The following WASL variants were observed in gnomAD, a reference collection of about 807,000 sequenced individuals.
The protein encoded by WASL is WASP like actin nucleation promoting factor.
WASL carries 20 observed loss-of-function variants against 55.5 expected under a neutral mutation model. The observed-to-expected ratio is 0.36, with a 90% CI of 0.25 to 0.52. WASL has a LOEUF of 0.52. Ranked by LOEUF, WASL falls within the 20% of genes least tolerant of loss-of-function variation. WASL has a pLI of 0.92. For missense variants in WASL, 504 were observed against 622.5 expected (o/e 0.81, Z 2.03); for synonymous variants, 249 against 217.6 (o/e 1.14, Z -1.27).
intron 6 of WASL, among the ~76,000 whole-genome samples, chr7:123,696,115 T>C (rs540534903): frequency 2.2e-4 from 33 of 152,148 alleles, no homozygotes; most frequent in African/African-American, 6.5e-4. Context: ...ATTTCCTTAA[T>C]TGTCAAATTA....
At chr7:123,717,525 C>T (rs551261383) in intron 1 of WASL, among the ~76,000 whole-genome samples, 98 of 152,300 alleles carry the variant, frequency 6.4e-4, no homozygotes, top group African/African-American at 2.2e-3. Context: ...ATCTTTAACC[C>T]AAGGATTTGC....
Position 123,692,668 on chromosome 7 carries a change from C to A in WASL, c.1026G>T (p.Met342Ile). 1 of 1,550,904 alleles carries A rather than the reference C, an allele frequency of 6.4e-7. No homozygotes were observed. Among genetic ancestry groups the A allele is most frequent in the South Asian group, 1.2e-5 (1 of 81,036 alleles). ...GAAGGGCTGGAGGTGGAGGAGGGTA[C>A]ATCCTATTTGGCGGTGGTGGAGGGA... is the stretch of plus-strand genomic sequence containing the variant. ...VAVPPPPPNR[M>I]YPPPPPALPS... The change falls in exon 9 of 11, where the codon ATG becomes ATT. Residue 342 changes from methionine to isoleucine, a missense_variant. Met to Ile is a conservative substitution (Grantham distance 10, BLOSUM62 1). This residue lies in a region of WASL where 201 missense variants were observed against 206.2 expected (regional missense o/e 0.97). Transcript: ENST00000223023.
intron 1 of WASL, among the ~76,000 whole-genome samples, chr7:123,712,515 C>CAT (rs1228296259): frequency 2.6e-5 from 4 of 151,984 alleles, no homozygotes; most frequent in Non-Finnish European, 4.4e-5. Context: ...TGCATGTATA[C>CAT]ATATATATAG....
chr7:123,696,343 T>C (rs1554404043), intron 6 of WASL, among the ~76,000 whole-genome samples: 1 of 151,892 alleles, frequency 6.6e-6, no homozygotes, highest in Non-Finnish European at 1.5e-5. Context: ...TTATCTAATT[T>C]TTCTTTTCTC....
chr7:123,692,882 G>T lies in WASL; in HGVS notation c.827-15C>A, dbSNP rs750291090. ...AGGTGGTGGTGCTGAAATGCAAACA[G>T]AAAAAAAGAAGGCATGCTTTTTTCT... is the stretch of plus-strand genomic sequence containing the variant. On this transcript the variant is annotated splice_polypyrimidine_tract_variant and intron_variant, in intron 8 of 10. Coordinates refer to ENST00000223023, the MANE Select transcript of WASL (RefSeq NM_003941.4). The T allele has an allele frequency of 7.4e-7, 1 of 1,343,752 alleles. No individual in the cohort carries two copies. Among genetic ancestry groups the T allele is most frequent in the South Asian group, 2.7e-5 (1 of 36,448 alleles). 83.2% of individuals were successfully genotyped at this position (1,343,752 alleles called of 1,614,324 possible). A position where few individuals can be genotyped will look rare whatever the true frequency, so the allele number is the denominator to read the frequency against.
At chr7:123,694,005 C>T (rs1177112486) in intron 8 of WASL, among the ~76,000 whole-genome samples, 1 of 152,092 alleles carries the variant, frequency 6.6e-6, no homozygotes, top group Non-Finnish European at 1.5e-5. Context: ...AACTGAATGC[C>T]TAATTTAAAA....
At chr7:123,731,001 G>C (rs1804127555) in intron 1 of WASL, among the ~76,000 whole-genome samples, 2 of 152,058 alleles carry the variant, frequency 1.3e-5, no homozygotes, top group South Asian at 4.1e-4. Flanking sequence ...TTGTGTCCAT[G>C]TGTACTCAAT....
rs145197467 is a variant in WASL, at chr7:123,692,592, C to T, written c.1102G>A (p.Val368Ile). 120 of 1,608,184 alleles carry T rather than the reference C, an allele frequency of 7.5e-5. No homozygotes were observed. Among genetic ancestry groups the T allele is most frequent in the Admixed American group, 1.0e-4 (6 of 58,582 alleles). ...PPPPPPSVLG[V>I]GPVAPPPPPP... Reference sequence around the variant, plus strand: ...GGTGGGGGTGGTGCCACTGGCCCTACCCCCAACACAGATGGAGGTGGTGGT... The same window carrying T: ...GGTGGGGGTGGTGCCACTGGCCCTATCCCCAACACAGATGGAGGTGGTGGT... Residue 368 changes from valine to isoleucine, a missense_variant, in exon 9 of 11, where the codon GTA becomes ATA. Val to Ile is a conservative substitution (Grantham distance 29). Coordinates refer to ENST00000223023, the MANE Select transcript of WASL (RefSeq NM_003941.4).
chr7:123,697,113 G>A (rs1035938614), intron 5 of WASL, among the ~76,000 whole-genome samples: 6 of 149,744 alleles, frequency 4.0e-5, no homozygotes, highest in South Asian at 4.2e-4. Flanking sequence ...TTGTAACAAG[G>A]ATAAAGAAAG....
At chr7:123,691,389 A>AT (rs901631777) in intron 9 of WASL, among the ~76,000 whole-genome samples, 9 of 151,920 alleles carry the variant, frequency 5.9e-5, no homozygotes, top group Middle Eastern at 3.4e-3. Context: ...CTGTTCTTGG[A>AT]TTTTTTTTTA....
chr7:123,712,764 A>G (rs927914608), intron 1 of WASL, among the ~76,000 whole-genome samples: 7 of 152,166 alleles, frequency 4.6e-5, no homozygotes, highest in African/African-American at 1.4e-4. Flanking sequence ...AATGGCCCAA[A>G]ACTAAGAAAA....
In WASL at chr7:123,694,209, C is replaced by T. The variant is rs114838113; in HGVS notation, c.826+506G>A. Among the ~76,000 whole-genome samples the T allele has an allele frequency of 5.5e-3, 833 of 152,116 alleles. 10 individuals carry two copies. Among genetic ancestry groups the T allele is most frequent in the African/African-American group, 0.019 (796 of 41,520 alleles). On this transcript the variant is annotated intron_variant, in intron 8 of 10. Coordinates refer to ENST00000223023, the MANE Select transcript of WASL (RefSeq NM_003941.4). ...TAATTATTAAGACAAAACTGAAATA[C>T]GAGGTCCTTTAAAATAAATATCAAA...
chr7:123,748,401 T>C (rs1384533268), intron 1 of WASL, among the ~76,000 whole-genome samples: 1 of 151,836 alleles, frequency 6.6e-6, no homozygotes, highest in African/African-American at 2.4e-5. Flanking sequence ...GACACTCCCT[T>C]ATTCTCCAGC....
chr7:123,714,920 G>A (rs1035905750), intron 1 of WASL, among the ~76,000 whole-genome samples: 3 of 152,150 alleles, frequency 2.0e-5, no homozygotes, highest in Non-Finnish European at 4.4e-5. Flanking sequence ...TGGAGGAAAT[G>A]GCATTCTAAG....
At chr7:123,700,728 G>A (rs1436052174) in intron 5 of WASL, among the ~76,000 whole-genome samples, 2 of 152,166 alleles carry the variant, frequency 1.3e-5, no homozygotes, top group African/African-American at 4.8e-5. Flanking sequence ...GTGAGCCACC[G>A]TGCCCGGCCA....
At chr7:123,705,627 A>AC (rs945663069) in intron 4 of WASL, among the ~76,000 whole-genome samples, 5 of 152,186 alleles carry the variant, frequency 3.3e-5, no homozygotes, top group African/African-American at 1.2e-4. Context: ...TACAAGAGAA[A>AC]CACCTGGTTC....
In WASL at chr7:123,728,599, T is replaced by TGGGAG. The variant is rs34302558; in HGVS notation, c.118-19381_118-19377dup. Among the ~76,000 whole-genome samples the TGGGAG allele has an allele frequency of 1.1e-3, 169 of 152,284 alleles. 2 individuals are homozygous for TGGGAG. The highest frequency in any genetic ancestry group is 6.9e-3 in the Admixed American group (106 of 15,292). ...GCTCACACCTGTGATCCCAGCACTT[T>TGGGAG]GGGAGGCCGAGGCAGGCAGATCACG... is the stretch of plus-strand genomic sequence containing the variant. On this transcript the variant is annotated intron_variant, in intron 1 of 10. Coordinates refer to ENST00000223023, the MANE Select transcript of WASL (RefSeq NM_003941.4).
intron 1 of WASL, among the ~76,000 whole-genome samples, chr7:123,748,289 C>T (rs922230257): frequency 6.6e-6 from 1 of 152,166 alleles, no homozygotes; most frequent in Non-Finnish European, 1.5e-5. Flanking sequence ...GACCAAGCGG[C>T]TCTTGCAAGA....
chr7:123,745,018 A>C (rs1011261730), intron 1 of WASL, among the ~76,000 whole-genome samples: 2 of 152,220 alleles, frequency 1.3e-5, no homozygotes, highest in Non-Finnish European at 2.9e-5. Flanking sequence ...TGCCTCCTCC[A>C]TGAAGCCAAT....
Sources: gnomAD v4.1 joint callset for allele counts (sites outside exome capture counted in the v4.1 genomes callset) on GRCh38, gnomAD v4.1.1 for gene constraint, gnomAD v4.1.1 regional missense constraint, MANE v1.5 for transcripts, NCBI Gene and HGNC (gene_info 2026-07-23, HGNC 2026-07-21) for gene names.